NTM: variants seen among roughly 807,000 people sequenced by gnomAD.
NTM encodes the protein IgLON family member 2.
In NTM, 13 loss-of-function variants were observed where a neutral mutation model predicts 42.1. The observed-to-expected ratio is 0.31, with a 90% CI of 0.20 to 0.49. The LOEUF (loss-of-function observed/expected upper bound fraction) is 0.49, where lower values mean the gene tolerates loss of function less well. Ranked by LOEUF, NTM falls within the 20% of genes least tolerant of loss-of-function variation. NTM has a pLI of 0.99. For synonymous variants in NTM, 187 were observed against 179.2 expected, an observed-to-expected ratio of 1.04 and a Z score of -0.35; for missense variants, 373 against 452.8, an observed-to-expected ratio of 0.82 and a Z score of 1.60.
intron 3 of NTM, among the ~76,000 whole-genome samples, chr11:132,179,280 T>C (rs2077224282): frequency 6.6e-6 from 1 of 152,102 alleles, no homozygotes. Context: ...TATGTAAAGA[T>C]TGAGAGTCTG....
intron 1 of NTM, among the ~76,000 whole-genome samples, chr11:131,657,017 C>A (rs1351487957): frequency 1.3e-5 from 2 of 151,906 alleles, no homozygotes; most frequent in Admixed American, 1.3e-4. Context: ...AGGGGGTTAA[C>A]CAAGTGCTTC....
rs951967806 is a variant in NTM at position 131,956,262 on chromosome 11, C to T, written c.167+44614C>T. Among the ~76,000 whole-genome samples the T allele has an allele frequency of 8.5e-5, 13 of 152,162 alleles. 1 individual carries two copies. The highest frequency in any genetic ancestry group is 6.5e-5 in the Admixed American group (1 of 15,280). On this transcript the variant is annotated intron_variant, in intron 2 of 8. Transcript: ENST00000683400. The stretch of plus-strand genomic sequence containing the variant: ...TCCACGTCTGAATGGCAGGGAGAAG[C>T]TGGGTGCCCCCACATGTGAGTCAGA...
At chr11:132,225,199 A>T (rs1299216116) in intron 4 of NTM, among the ~76,000 whole-genome samples, 1 of 152,206 alleles carries the variant, frequency 6.6e-6, no homozygotes, top group Non-Finnish European at 1.5e-5. Context: ...TGCAGATTGC[A>T]TGGTGAATTC....
intron 2 of NTM, among the ~76,000 whole-genome samples, chr11:132,005,187 G>C (rs553815): frequency 0.91 from 137,878 of 152,194 alleles, 62,690 homozygotes; most frequent in East Asian, 1. Flanking sequence ...CATGGAGATT[G>C]TCATTCTGCA....
intron 1 of NTM, among the ~76,000 whole-genome samples, chr11:131,890,369 A>G (rs1357405981): frequency 6.6e-6 from 1 of 152,152 alleles, no homozygotes; most frequent in South Asian, 2.1e-4. Flanking sequence ...CATGACTGCA[A>G]TTAATTGGCA....
intron 4 of NTM, among the ~76,000 whole-genome samples, chr11:132,289,482 C>T (rs1225230044): frequency 6.6e-6 from 1 of 152,120 alleles, no homozygotes; most frequent in East Asian, 1.9e-4. Flanking sequence ...GTGATTTCCC[C>T]CTGCTCTCCA....
intron 1 of NTM, among the ~76,000 whole-genome samples, chr11:131,635,801 C>T (rs560505749): frequency 6.6e-6 from 1 of 152,286 alleles, no homozygotes; most frequent in East Asian, 1.9e-4. Flanking sequence ...AACTTCCAGT[C>T]CTGCAAACTC....
chr11:131,411,682 C>A (rs1262417046), intron 1 of NTM, among the ~76,000 whole-genome samples: 1 of 151,776 alleles, frequency 6.6e-6, no homozygotes, highest in Non-Finnish European at 1.5e-5. Flanking sequence ...ATTCTTCTCC[C>A]AAACTTGGAG....
chr11:131,500,796 C>T (rs1315983718), intron 1 of NTM, among the ~76,000 whole-genome samples: 2 of 137,822 alleles, frequency 1.5e-5, no homozygotes, highest in African/African-American at 2.7e-5. Flanking sequence ...CAAGTGTTCT[C>T]ATTGTTCAAT....
At chr11:131,821,255 G>A (rs964344918) in intron 1 of NTM, among the ~76,000 whole-genome samples, 2 of 152,172 alleles carry the variant, frequency 1.3e-5, no homozygotes, top group Admixed American at 6.5e-5. Flanking sequence ...ACTCATTCCT[G>A]TTCCTACTTC....
chr11:132,225,643 A>G (rs1253947407), intron 4 of NTM, among the ~76,000 whole-genome samples: 3 of 152,236 alleles, frequency 2.0e-5, no homozygotes, highest in African/African-American at 7.2e-5. Context: ...TAATAAAAAT[A>G]CACCAGCACA....
chr11:131,430,112 C>T (rs1591642377), intron 1 of NTM, among the ~76,000 whole-genome samples: 1 of 152,166 alleles, frequency 6.6e-6, no homozygotes, highest in African/African-American at 2.4e-5. Context: ...GATATGGCAG[C>T]ATCAACCATG....
chr11:131,687,236 A>G (rs376477061), intron 1 of NTM, among the ~76,000 whole-genome samples: 2 of 152,304 alleles, frequency 1.3e-5, no homozygotes, highest in South Asian at 4.1e-4. Flanking sequence ...GAAACGTGAC[A>G]ACACCGTCAC....
intron 1 of NTM, among the ~76,000 whole-genome samples, chr11:131,629,847 A>G (rs2063482219): frequency 6.6e-6 from 1 of 152,216 alleles, no homozygotes; most frequent in African/African-American, 2.4e-5. Context: ...CCTGGAAAGT[A>G]AACACTTAAA....
At chr11:132,124,981 G>C (rs1284207969) in intron 2 of NTM, among the ~76,000 whole-genome samples, 1 of 152,198 alleles carries the variant, frequency 6.6e-6, no homozygotes, top group Non-Finnish European at 1.5e-5. Context: ...CTGGGTGCCA[G>C]CATGACATCC....
intron 1 of NTM, among the ~76,000 whole-genome samples, chr11:131,791,456 C>A (rs917650715): frequency 6.6e-6 from 1 of 152,188 alleles, no homozygotes; most frequent in African/African-American, 2.4e-5. Flanking sequence ...GAGAAATCCA[C>A]ATATCACGGA....
At chr11:132,269,144 T>C (rs1320845653) in intron 4 of NTM, among the ~76,000 whole-genome samples, 1 of 152,156 alleles carries the variant, frequency 6.6e-6, no homozygotes, top group Non-Finnish European at 1.5e-5. Context: ...GGGCATGATA[T>C]TGTTTTGAAG....
chr11:132,327,456 A>G (rs2029136), intron 7 of NTM, among the ~76,000 whole-genome samples: 51,183 of 152,166 alleles, frequency 0.34, 9,134 homozygotes, highest in Non-Finnish European at 0.4. Flanking sequence ...GATTAAAGAC[A>G]GTTAATTAGG....
intron 1 of NTM, among the ~76,000 whole-genome samples, chr11:131,377,372 A>C (rs1942109227): frequency 6.6e-6 from 1 of 152,138 alleles, no homozygotes; most frequent in Non-Finnish European, 1.5e-5. Flanking sequence ...TGGCCTCTCC[A>C]CTTCCTTTAT....
Sources: gnomAD v4.1 joint callset for allele counts (sites outside exome capture counted in the v4.1 genomes callset) on GRCh38, gnomAD v4.1.1 for gene constraint, MANE v1.5 for transcripts, NCBI Gene and HGNC (gene_info 2026-07-23, HGNC 2026-07-21) for gene names.